The following ADAMTS3 variants were observed in gnomAD, a reference collection of about 807,000 sequenced individuals.
The protein encoded by ADAMTS3 is ADAM metallopeptidase with thrombospondin type 1 motif 3.
In ADAMTS3, 73 loss-of-function variants were observed where a neutral mutation model predicts 129.0. The observed-to-expected ratio is 0.57, with a 90% CI of 0.47 to 0.69. ADAMTS3 has a LOEUF of 0.69. Among genes scored for constraint, ADAMTS3 ranks in the 30% least tolerant of loss-of-function variants. ADAMTS3 has a pLI of 0.00. For missense variants in ADAMTS3, 1,457 were observed against 1,514.5 expected (o/e 0.96, Z 0.63); for synonymous variants, 477 against 510.8 (o/e 0.93, Z 0.89).
chr4:72,505,718 T>A (rs563833990), intron 3 of ADAMTS3, among the ~76,000 whole-genome samples: 2 of 152,320 alleles, frequency 1.3e-5, no homozygotes, highest in East Asian at 3.9e-4. Flanking sequence ...AGCCCTGAGT[T>A]CCCTGCCTGG....
intron 4 of ADAMTS3, among the ~76,000 whole-genome samples, chr4:72,388,243 C>T (rs1486236364): frequency 6.6e-6 from 1 of 152,218 alleles, no homozygotes. Context: ...CTCAGGTCCT[C>T]ATCTGGCAGC....
intron 4 of ADAMTS3, among the ~76,000 whole-genome samples, chr4:72,404,638 C>T (rs976075146): frequency 1.3e-5 from 2 of 151,768 alleles, no homozygotes; most frequent in African/African-American, 2.4e-5. Context: ...CAACAAAAGC[C>T]AAAATAGACA....
At chr4:72,401,580 A>AAG (rs1360510996) in intron 4 of ADAMTS3, among the ~76,000 whole-genome samples, 1 of 142,596 alleles carries the variant, frequency 7.0e-6, no homozygotes, top group Admixed American at 6.9e-5. Flanking sequence ...AAAAAAAAAA[A>AAG]AAAAAAAAGA....
intron 16 of ADAMTS3, among the ~76,000 whole-genome samples, chr4:72,304,377 T>C (rs1719031802): frequency 6.6e-6 from 1 of 152,150 alleles, no homozygotes; most frequent in Non-Finnish European, 1.5e-5. Flanking sequence ...AGTTTCTAAA[T>C]CATTTATCCT....
At chr4:72,292,881 G>C (rs1489475483) in intron 19 of ADAMTS3, among the ~76,000 whole-genome samples, 1 of 152,112 alleles carries the variant, frequency 6.6e-6, no homozygotes, top group Non-Finnish European at 1.5e-5. Context: ...AAGGCAACTG[G>C]ACTGAGGAAT....
chr4:72,402,991 T>C (rs1206353419), intron 4 of ADAMTS3, among the ~76,000 whole-genome samples: 3 of 152,152 alleles, frequency 2.0e-5, no homozygotes, highest in Non-Finnish European at 4.4e-5. Context: ...CCCAAAGGAC[T>C]GAACACTGAG....
At chr4:72,420,297 G>T (rs948004132) in intron 3 of ADAMTS3, among the ~76,000 whole-genome samples, 1 of 152,080 alleles carries the variant, frequency 6.6e-6, no homozygotes, top group Non-Finnish European at 1.5e-5. Context: ...CAGCCATGAT[G>T]GGCTCCTTGC....
At chr4:72,469,321 T>G (rs1043681731) in intron 3 of ADAMTS3, among the ~76,000 whole-genome samples, 7 of 152,108 alleles carry the variant, frequency 4.6e-5, no homozygotes, top group African/African-American at 1.7e-4. Flanking sequence ...GTTCTACCTA[T>G]AGAATTCAAA....
intron 4 of ADAMTS3, among the ~76,000 whole-genome samples, chr4:72,395,318 A>G (rs1721699738): frequency 6.6e-6 from 1 of 152,182 alleles, no homozygotes; most frequent in African/African-American, 2.4e-5. Context: ...TTTGAAAACA[A>G]CTCAAATATG....
intron 3 of ADAMTS3, among the ~76,000 whole-genome samples, chr4:72,437,167 C>A (rs1317445519): frequency 6.6e-6 from 1 of 151,768 alleles, no homozygotes; most frequent in Non-Finnish European, 1.5e-5. Flanking sequence ...TAAAACTTCA[C>A]ACAAAAAATT....
intron 3 of ADAMTS3, among the ~76,000 whole-genome samples, chr4:72,435,609 G>A (rs977417965): frequency 2.6e-5 from 4 of 151,748 alleles, no homozygotes; most frequent in African/African-American, 9.7e-5. Flanking sequence ...ATTGACTGTC[G>A]ACTGATGTAA....
intron 2 of ADAMTS3, among the ~76,000 whole-genome samples, chr4:72,560,967 T>C (rs1218099517): frequency 1.3e-5 from 2 of 152,324 alleles, no homozygotes; most frequent in African/African-American, 4.8e-5. Flanking sequence ...AACTACTCAG[T>C]CAACAGTGTC....
chr4:72,465,296 G>T (rs1718888570), intron 3 of ADAMTS3, among the ~76,000 whole-genome samples: 1 of 151,952 alleles, frequency 6.6e-6, no homozygotes, highest in Non-Finnish European at 1.5e-5. Flanking sequence ...GCAAGAGGAA[G>T]AAATGAGCTT....
At chr4:72,363,494 C>G (rs1720780633) in intron 4 of ADAMTS3, among the ~76,000 whole-genome samples, 2 of 152,146 alleles carry the variant, frequency 1.3e-5, no homozygotes, top group South Asian at 4.1e-4. Context: ...CAATGTCAAT[C>G]AACATCCCAG....
At chr4:72,347,783 A>G (rs1197983418) in intron 4 of ADAMTS3, among the ~76,000 whole-genome samples, 2 of 151,928 alleles carry the variant, frequency 1.3e-5, no homozygotes, top group Admixed American at 6.6e-5. Context: ...ACCACACCCA[A>G]TTACTAGATT....
At chr4:72,350,292 G>C (rs16847847) in intron 4 of ADAMTS3, among the ~76,000 whole-genome samples, 9,993 of 152,060 alleles carry the variant, frequency 0.066, 873 homozygotes, top group East Asian at 0.24. Context: ...CGACCATATG[G>C]ATGGAAAATA....
At chr4:72,450,391 C>T (rs1331111269) in intron 3 of ADAMTS3, among the ~76,000 whole-genome samples, 1 of 151,720 alleles carries the variant, frequency 6.6e-6, no homozygotes, top group African/African-American at 2.4e-5. Context: ...AGAAAACAGA[C>T]ATTCCAGTGT....
chr4:72,535,266 A>T (rs527692172), intron 3 of ADAMTS3, among the ~76,000 whole-genome samples: 1 of 152,360 alleles, frequency 6.6e-6, no homozygotes, highest in South Asian at 2.1e-4. Context: ...ACTATGTTAA[A>T]GGCATCCTGT....
chr4:72,361,928 T>C (rs1020110000), intron 4 of ADAMTS3, among the ~76,000 whole-genome samples: 4 of 152,120 alleles, frequency 2.6e-5, no homozygotes, highest in African/African-American at 9.7e-5. Flanking sequence ...CAGACTCATA[T>C]TTCCAGTGTT....
Sources: gnomAD v4.1 joint callset for allele counts (sites outside exome capture counted in the v4.1 genomes callset) on GRCh38, gnomAD v4.1.1 for gene constraint, MANE v1.5 for transcripts, NCBI Gene and HGNC (gene_info 2026-07-23, HGNC 2026-07-21) for gene names.